The following CDH18 variants were observed in gnomAD, a reference collection of about 807,000 sequenced individuals.
CDH18 encodes cadherin-18.
In CDH18, 31 loss-of-function variants were observed where a neutral mutation model predicts 67.9. That is an observed-to-expected ratio of 0.46 (90% confidence interval 0.34 to 0.62). The LOEUF is 0.62. Ranked by LOEUF, CDH18 falls within the 20% of genes least tolerant of loss-of-function variation. The pLI is 0.01. For synonymous variants in CDH18, 362 were observed against 347.2 expected (o/e 1.04, Z -0.48); for missense variants, 890 against 975.5 (o/e 0.91, Z 1.17).
At chr5:20,294,067 T>C (rs1368251766) in intron 1 of CDH18, among the ~76,000 whole-genome samples, 1 of 152,196 alleles carries the variant, frequency 6.6e-6, no homozygotes, top group East Asian at 1.9e-4. Flanking sequence ...ATGATTTATA[T>C]ACACTGTTGG....
At chr5:20,230,664 T>C (rs1428206950) in intron 2 of CDH18, among the ~76,000 whole-genome samples, 1 of 152,152 alleles carries the variant, frequency 6.6e-6, no homozygotes, top group African/African-American at 2.4e-5. Flanking sequence ...ATCATCATGA[T>C]TCTTTGTGGG....
intron 1 of CDH18, among the ~76,000 whole-genome samples, chr5:20,347,692 T>G (rs1351108068): frequency 6.6e-6 from 1 of 152,226 alleles, no homozygotes; most frequent in African/African-American, 2.4e-5. Flanking sequence ...GTTAACATGA[T>G]ATCAGCATTG....
chr5:20,212,834 A>G (rs1740459793), intron 2 of CDH18, among the ~76,000 whole-genome samples: 2 of 152,022 alleles, frequency 1.3e-5, no homozygotes, highest in African/African-American at 4.8e-5. Flanking sequence ...CTTGCTCTGT[A>G]TTAGATTTTG....
chr5:20,036,423 G>A (rs1435276416), intron 2 of CDH18, among the ~76,000 whole-genome samples: 1 of 151,836 alleles, frequency 6.6e-6, no homozygotes, highest in East Asian at 1.9e-4. Context: ...AGAAGGAGAA[G>A]GAGTGAAAAA....
chr5:20,539,504 A>G (rs746245613), intron 1 of CDH18, among the ~76,000 whole-genome samples: 6 of 152,072 alleles, frequency 3.9e-5, no homozygotes, highest in African/African-American at 7.2e-5. Context: ...CGTACGCAAT[A>G]TATTTTCCAT....
chr5:19,624,692 C>A (rs933899711), intron 5 of CDH18, among the ~76,000 whole-genome samples: 31 of 152,262 alleles, frequency 2.0e-4, no homozygotes, highest in African/African-American at 7.5e-4. Context: ...AAGTGTGCTG[C>A]TGAATGCACT....
intron 1 of CDH18, among the ~76,000 whole-genome samples, chr5:20,307,994 G>A (rs550508927): frequency 6.0e-4 from 87 of 144,344 alleles, no homozygotes; most frequent in Admixed American, 3.7e-3. Flanking sequence ...TAGCTAAATT[G>A]TGTTTTTAAG....
intron 1 of CDH18, among the ~76,000 whole-genome samples, chr5:20,299,828 A>G (rs899915410): frequency 2.0e-5 from 3 of 152,012 alleles, no homozygotes; most frequent in African/African-American, 7.2e-5. Context: ...TCTCATTATA[A>G]AATAATAACC....
At chr5:19,580,821 C>T (rs995506608) in intron 7 of CDH18, among the ~76,000 whole-genome samples, 18 of 151,940 alleles carry the variant, frequency 1.2e-4, no homozygotes, top group African/African-American at 4.1e-4. Flanking sequence ...CTATGTTATC[C>T]TGGTGGAAAT....
intron 3 of CDH18, among the ~76,000 whole-genome samples, chr5:19,812,219 G>C (rs1227481333): frequency 6.6e-6 from 1 of 152,082 alleles, no homozygotes; most frequent in Non-Finnish European, 1.5e-5. Context: ...TCATAGTTCA[G>C]TAAAAAGCAA....
At chr5:19,936,012 A>G (rs921872827) in intron 2 of CDH18, among the ~76,000 whole-genome samples, 1 of 151,316 alleles carries the variant, frequency 6.6e-6, no homozygotes, top group South Asian at 2.1e-4. Context: ...AGTTCTGCAT[A>G]ATCATAGTGA....
At chr5:20,304,955 A>C in intron 1 of CDH18, 3 of 1,613,902 alleles carry the variant, frequency 1.9e-6, no homozygotes, top group Non-Finnish European at 8.5e-7. Flanking sequence ...TCCCGCACGG[A>C]GCAGTTCAAG....
chr5:20,510,112 T>C (rs1459236479), intron 1 of CDH18, among the ~76,000 whole-genome samples: 3 of 152,184 alleles, frequency 2.0e-5, no homozygotes, highest in Non-Finnish European at 4.4e-5. Context: ...TATTTCATTG[T>C]AGTTTTAATT....
intron 2 of CDH18, among the ~76,000 whole-genome samples, chr5:19,920,493 CACG>C (rs1320363404): frequency 1.4e-5 from 2 of 147,888 alleles, no homozygotes; most frequent in Admixed American, 6.9e-5. Context: ...ACAGATTAGA[CACG>C]ACATTTAACC....
intron 2 of CDH18, among the ~76,000 whole-genome samples, chr5:20,045,553 T>A (rs961681055): frequency 3.3e-5 from 5 of 151,652 alleles, no homozygotes; most frequent in African/African-American, 1.2e-4. Flanking sequence ...TAAAAGGAAC[T>A]AAGGTCATGC....
chr5:19,776,524 A>G (rs550310601), intron 3 of CDH18, among the ~76,000 whole-genome samples: 5 of 152,292 alleles, frequency 3.3e-5, no homozygotes, highest in African/African-American at 1.2e-4. Context: ...AGAGGAGAAA[A>G]TAAATTCATA....
At chr5:20,490,018 A>G (rs150205347) in intron 1 of CDH18, among the ~76,000 whole-genome samples, 147 of 151,164 alleles carry the variant, frequency 9.7e-4, no homozygotes, top group Middle Eastern at 3.5e-3. Context: ...AGGGTTTTAA[A>G]TAATAAATAT....
At chr5:20,107,261 A>G (rs952225574) in intron 2 of CDH18, among the ~76,000 whole-genome samples, 1 of 151,794 alleles carries the variant, frequency 6.6e-6, no homozygotes, top group Non-Finnish European at 1.5e-5. Flanking sequence ...TTTAGTAGAG[A>G]CACGGGGTTT....
intron 1 of CDH18, among the ~76,000 whole-genome samples, chr5:20,537,321 A>G (rs1342154028): frequency 6.6e-6 from 1 of 152,188 alleles, no homozygotes; most frequent in Admixed American, 6.6e-5. Context: ...CAATAAAATA[A>G]TGATCATCAC....
Sources: allele counts gnomAD v4.1 joint callset (sites outside exome capture counted in the v4.1 genomes callset), GRCh38; gene constraint gnomAD v4.1.1; transcripts MANE v1.5; gene names NCBI Gene and HGNC (gene_info 2026-07-23, HGNC 2026-07-21).